Variants in TBC1D8 observed in about 807,000 individuals in gnomAD.
TBC1D8 encodes BUB2-like protein 1.
TBC1D8 carries 65 observed loss-of-function variants against 118.8 expected under a neutral mutation model. That is an observed-to-expected ratio of 0.55 (90% CI 0.45 to 0.67). TBC1D8 has a LOEUF of 0.67. TBC1D8 is among the 30% of genes least tolerant of loss of function. The pLI is 0.00. For missense variants in TBC1D8, 1,376 were observed against 1,471.2 expected, an observed-to-expected ratio of 0.94 and a Z score of 1.06; for synonymous variants, 566 against 595.8, an observed-to-expected ratio of 0.95 and a Z score of 0.73.
chr2:101,108,498 G>A (rs555856162), intron 1 of TBC1D8, among the ~76,000 whole-genome samples: 12 of 152,242 alleles, frequency 7.9e-5, no homozygotes, highest in Admixed American at 5.2e-4. Context: ...GATACAGAAC[G>A]CACTGCACTA....
In TBC1D8 at chr2:101,084,567, C is replaced by G. The variant is rs550810585; in HGVS notation, c.283+5642G>C. Among the ~76,000 whole-genome samples the G allele has an allele frequency of 2.0e-5, 3 of 152,200 alleles. No individual in the cohort carries two copies. In the East Asian group the frequency reaches 5.8e-4, roughly 29 times the overall value. The stretch of plus-strand genomic sequence containing the variant: ...CTCTGTCTCAAAAAAAAGAAACACA[C>G]ATCCCTTCCATGCAGCCGTTCCTCA... On this transcript the variant is annotated intron_variant, in intron 2 of 19. Transcript: ENST00000409318.
At chr2:101,139,565 C>A (rs1478311343) in intron 1 of TBC1D8, among the ~76,000 whole-genome samples, 1 of 152,172 alleles carries the variant, frequency 6.6e-6, no homozygotes, top group Admixed American at 6.5e-5. Context: ...ACTGCTGAGG[C>A]CCTCCTGCCC....
At chr2:101,140,458 C>G (rs952477507) in intron 1 of TBC1D8, among the ~76,000 whole-genome samples, 1 of 152,128 alleles carries the variant, frequency 6.6e-6, no homozygotes, top group African/African-American at 2.4e-5. Flanking sequence ...GGGAAAATCA[C>G]GGCCCCTGGG....
chr2:101,037,669 G>A lies in TBC1D8; in HGVS notation c.1315C>T (p.His439Tyr), dbSNP rs1681102930. The change falls in exon 8 of 20, where the codon CAC (histidine) becomes TAC (tyrosine). Residue 439 changes from histidine (H) to tyrosine (Y), a missense_variant. Physicochemically the swap from His to Tyr is moderately conservative, Grantham distance 83. Transcript: ENST00000409318. ...VFHSTSMCSDHRFGDLEMMSS... is the reference protein window; with the variant it reads ...VFHSTSMCSDYRFGDLEMMSS... ...ATCATTTCAAGATCCCCAAATCTGTGGTCACTGCACATGCTTGTTGAATGA... is the reference window on the plus strand; with the variant it reads ...ATCATTTCAAGATCCCCAAATCTGTAGTCACTGCACATGCTTGTTGAATGA... 1 of 1,613,694 alleles carries A rather than the reference G, an allele frequency of 6.2e-7. No homozygotes were observed. The highest frequency in any genetic ancestry group is 8.5e-7 in the Non-Finnish European group (1 of 1,179,896).
chr2:101,033,874 A>G, intron 9 of TBC1D8, 116 bp from the exon 10 acceptor site: 1 of 1,228,382 alleles, frequency 8.1e-7, no homozygotes, highest in Non-Finnish European at 1.1e-6. Flanking sequence ...ACTGAGGGAC[A>G]AAATATTGGC....
At chr2:101,023,227 C>T (rs1183413911) in intron 15 of TBC1D8, among the ~76,000 whole-genome samples, 2 of 151,634 alleles carry the variant, frequency 1.3e-5, no homozygotes, top group Non-Finnish European at 2.9e-5. Context: ...TCACTGCAAC[C>T]TCCGCCTCCA....
chr2:101,141,848 C>CT (rs1047383122), intron 1 of TBC1D8, among the ~76,000 whole-genome samples: 1 of 142,102 alleles, frequency 7.0e-6, no homozygotes, highest in Non-Finnish European at 1.6e-5. Context: ...ATAAAAAAAA[C>CT]TAAAAAAAAG....
intron 2 of TBC1D8, among the ~76,000 whole-genome samples, chr2:101,067,644 G>A (rs1683087399): frequency 6.6e-6 from 1 of 152,190 alleles, no homozygotes; most frequent in East Asian, 1.9e-4. Context: ...TGAGCCTTCA[G>A]CAAGTCATAA....
At chr2:101,049,307 T>G (rs980218638) in intron 5 of TBC1D8, among the ~76,000 whole-genome samples, 3 of 152,248 alleles carry the variant, frequency 2.0e-5, no homozygotes, top group African/African-American at 7.2e-5. Context: ...TATCAATTTG[T>G]GGCAAACAAA....
Position 101,007,970 on chromosome 2 carries a change from G to C in TBC1D8, c.3319C>G (p.Leu1107Val), listed in dbSNP as rs1166898659. 3 of 1,614,036 alleles carry C rather than the reference G, an allele frequency of 1.9e-6. No individual in the cohort carries two copies. The change falls in exon 20 of 20, where the codon CTT becomes GTT. Residue 1107 changes from leucine (L) to valine (V), a missense_variant. By Grantham distance (32) the Leu-to-Val change is conservative (BLOSUM62 1). Coordinates refer to ENST00000409318, the MANE Select transcript of TBC1D8 (RefSeq NM_001330348.2). ...TVSLEHILAS[L>V]LTEQSLVNFF... ...TTGACTAATGACTGTTCAGTCAGAA[G>C]TGAAGCTAAAATATGTTCAAGGGAG...
chr2:101,136,078 T>A (rs1219379512), intron 1 of TBC1D8, among the ~76,000 whole-genome samples: 1 of 152,126 alleles, frequency 6.6e-6, no homozygotes, highest in Non-Finnish European at 1.5e-5. Context: ...TAGGCTGGTC[T>A]CCTGGACTCA....
At chr2:101,062,021 A>C (rs937740110) in intron 2 of TBC1D8, among the ~76,000 whole-genome samples, 7 of 152,148 alleles carry the variant, frequency 4.6e-5, no homozygotes, top group Non-Finnish European at 8.8e-5. Flanking sequence ...TTAGGGGTAC[A>C]TCTGGTTTAC....
At chr2:101,019,993 A>G (rs940758871) in intron 17 of TBC1D8, among the ~76,000 whole-genome samples, 2 of 151,842 alleles carry the variant, frequency 1.3e-5, no homozygotes, top group African/African-American at 4.8e-5. Context: ...AATGGTGTGG[A>G]ACCCGGGAGG....
intron 1 of TBC1D8, among the ~76,000 whole-genome samples, chr2:101,129,913 A>G (rs1451654966): frequency 4.0e-5 from 6 of 151,692 alleles, no homozygotes; most frequent in African/African-American, 9.7e-5. Context: ...TCAAAAAAAA[A>G]AAAAGAAAAG....
intron 10 of TBC1D8, 150 bp from the exon 11 acceptor site, chr2:101,032,535 G>A: frequency 1.6e-6 from 1 of 620,134 alleles, no homozygotes; most frequent in South Asian, 2.0e-5. Context: ...CTGTACAGTG[G>A]AATGACCGTG....
At chr2:101,059,917 C>A (rs955123835) in intron 2 of TBC1D8, among the ~76,000 whole-genome samples, 1 of 151,874 alleles carries the variant, frequency 6.6e-6, no homozygotes, top group African/African-American at 2.4e-5. Context: ...CCAGCCTGGG[C>A]GAGAGTGCGA....
At chr2:101,089,880 C>T (rs1435336036) in intron 2 of TBC1D8, among the ~76,000 whole-genome samples, 3 of 148,104 alleles carry the variant, frequency 2.0e-5, no homozygotes, top group African/African-American at 7.5e-5. Flanking sequence ...CATGCCCAAG[C>T]TATGCTGCCC....
chr2:101,118,553 C>T (rs189546624), intron 1 of TBC1D8, among the ~76,000 whole-genome samples: 233 of 152,040 alleles, frequency 1.5e-3, no homozygotes, highest in Middle Eastern at 0.014. Context: ...AAAAATTAGC[C>T]AGGCTTGGTG....
chr2:101,142,051 G>C (rs1480437544), intron 1 of TBC1D8, among the ~76,000 whole-genome samples: 3 of 152,106 alleles, frequency 2.0e-5, no homozygotes, highest in Non-Finnish European at 4.4e-5. Flanking sequence ...TCAAGCATTA[G>C]CAAGGATGTA....
Sources: gnomAD v4.1 joint callset for allele counts (sites outside exome capture counted in the v4.1 genomes callset) on GRCh38, gnomAD v4.1.1 for gene constraint, MANE v1.5 for transcripts, NCBI Gene and HGNC (gene_info 2026-07-23, HGNC 2026-07-21) for gene names.